PCSK7: variants seen among roughly 807,000 people sequenced by gnomAD.
PCSK7 encodes proprotein convertase subtilisin/kexin type 7, also known as lymphoma proprotein convertase.
PCSK7 carries 38 observed loss-of-function variants against 73.3 expected under a neutral mutation model. The observed-to-expected ratio is 0.52, with a 90% CI of 0.40 to 0.68. PCSK7 has a LOEUF of 0.68. Among genes scored for constraint, PCSK7 ranks in the 30% least tolerant of loss-of-function variants. The probability of loss-of-function intolerance (pLI) is 0.00; values close to 1 mark genes in which losing one functional copy is unlikely to be tolerated. For synonymous variants in PCSK7, 296 were observed against 383.8 expected, an observed-to-expected ratio of 0.77 and a Z score of 2.68; for missense variants, 692 against 991.5, an observed-to-expected ratio of 0.70 and a Z score of 4.06.
chr11:117,227,568 G>A (rs866516344), intron 4 of PCSK7, among the ~76,000 whole-genome samples: 21 of 152,232 alleles, frequency 1.4e-4, no homozygotes, highest in Middle Eastern at 3.4e-3. Flanking sequence ...TCAGCCTCCC[G>A]AGTGGCTGGG....
In PCSK7 at chr11:117,229,620, A is replaced by T; in HGVS notation, c.225T>A (p.Asp75Glu). 1 of 1,614,088 alleles carries T rather than the reference A, an allele frequency of 6.2e-7. No homozygotes were observed. The highest frequency in any genetic ancestry group is 8.5e-7 in the Non-Finnish European group (1 of 1,179,928). Residue 75 changes from aspartate (D) to glutamate (E), a missense_variant, in exon 3 of 17, where the codon GAT becomes GAA. Transcript: ENST00000320934. The part of the protein sequence containing the change: ...GEEETLEQQA[D>E]ALAQAAGLVN... ...CCAGCCCTGCTGCCTGGGCCAAGGC[A>T]TCCGCCTGCTGCTCCAGAGTCTCTT... is the stretch of plus-strand genomic sequence containing the variant.
At chr11:117,223,039 G>A (rs1402436462) in intron 9 of PCSK7, 169 bp downstream of exon 9, 11 of 603,962 alleles carry the variant, frequency 1.8e-5, no homozygotes, top group African/African-American at 9.2e-5. Flanking sequence ...CAGAGTCCCC[G>A]AGTCTACTAC....
At chr11:117,214,380 A>G (rs1384117778) in intron 12 of PCSK7, 2 of 143,494 alleles carry the variant, frequency 1.4e-5, no homozygotes, top group East Asian at 3.9e-4. Flanking sequence ...GGTCATAAAC[A>G]TAGCTGTACT....
chr11:117,228,847 C>T (rs1173766132), intron 3 of PCSK7, among the ~76,000 whole-genome samples: 1 of 152,130 alleles, frequency 6.6e-6, no homozygotes, highest in Non-Finnish European at 1.5e-5. Flanking sequence ...GTCTTGATCT[C>T]CTGACCTCGT....
intron 8 of PCSK7, chr11:117,223,539 G>C (rs2032290048): frequency 1.8e-6 from 1 of 556,222 alleles, no homozygotes; most frequent in Admixed American, 3.2e-5. Flanking sequence ...AGGCTCTGGG[G>C]TACAACTGGC....
At position 117,215,380 on chromosome 11, in the gene PCSK7, G is replaced by GTGTGTGTGTGTA. The variant is rs1164738557; in HGVS notation, c.1534+3085_1534+3086insTACACACACACA. Reference sequence around the variant, plus strand: ...CTGGCTAATTTGTGTGTGTGTGTGTGTATATATATATATATATATATATAT... The same window carrying GTGTGTGTGTGTA: ...CTGGCTAATTTGTGTGTGTGTGTGTGTGTGTGTGTGTATATATATATATATATATATATATAT... On this transcript the variant is annotated intron_variant, in intron 12 of 16. Coordinates refer to ENST00000320934, the MANE Select transcript of PCSK7 (RefSeq NM_004716.4). 9 of 55,900 alleles carry GTGTGTGTGTGTA rather than the reference G, an allele frequency of 1.6e-4. 1 individual carries two copies. Among genetic ancestry groups the GTGTGTGTGTGTA allele is most frequent in the Admixed American group, 1.2e-3 (6 of 4,870 alleles). 3.5% of individuals were successfully genotyped at this position (55,900 alleles called of 1,614,324 possible). A position where few individuals can be genotyped will look rare whatever the true frequency, so the allele number is the denominator to read the frequency against.
intron 4 of PCSK7, among the ~76,000 whole-genome samples, chr11:117,227,932 G>A (rs1415285317): frequency 6.6e-6 from 1 of 152,202 alleles, no homozygotes; most frequent in Non-Finnish European, 1.5e-5. Context: ...ACGCTTTAGA[G>A]AGAGGAAGGC....
chr11:117,224,877 C>A, intron 6 of PCSK7, 122 bp from the exon 7 acceptor site: 1 of 743,744 alleles, frequency 1.3e-6, no homozygotes, highest in Non-Finnish European at 2.4e-6. Flanking sequence ...CCAAGGGTTC[C>A]ACTTAAAGGC....
intron 3 of PCSK7, among the ~76,000 whole-genome samples, chr11:117,228,858 G>C (rs2032532284): frequency 6.6e-6 from 1 of 152,148 alleles, no homozygotes; most frequent in South Asian, 2.1e-4. Context: ...CTGACCTCGT[G>C]ATCTGCCCAT....
intron 12 of PCSK7, chr11:117,212,683 T>C (rs960240654): frequency 5.3e-5 from 8 of 151,534 alleles, no homozygotes; most frequent in African/African-American, 1.7e-4. Context: ...CGTGCTGGGA[T>C]TACAGGCATG....
At chr11:117,229,299 T>G in intron 3 of PCSK7, 78 bp downstream of exon 3, 9 of 1,067,554 alleles carry the variant, frequency 8.4e-6, no homozygotes, top group South Asian at 1.4e-5. Context: ...GACTGAAGAG[T>G]GATATAGTCA....
chr11:117,229,691 G>C lies in PCSK7; in HGVS notation c.154C>G (p.Pro52Ala), dbSNP rs1565320825. The change falls in exon 3 of 17, where the codon CCG (proline) becomes GCG (alanine). Residue 52 changes from proline (P) to alanine (A), a missense_variant. Pro to Ala is a conservative substitution (Grantham distance 27). This residue lies in a region of PCSK7 where 574 missense variants were observed against 689.8 expected (regional missense o/e 0.83). Coordinates refer to ENST00000320934, the MANE Select transcript of PCSK7 (RefSeq NM_004716.4). ...GGPDGQGTGG[P>A]SWAVHLESLE... ...CTTTCCAGGTGCACAGCCCAGCTCG[G>C]CCCCCCTGTGCCCTGGCCATCAGGC... The C allele has an allele frequency of 2.5e-6, 4 of 1,613,698 alleles. No homozygotes were observed. The highest frequency in any genetic ancestry group is 3.4e-6 in the Non-Finnish European group (4 of 1,179,688).
At chr11:117,224,448 T>C (rs759664069) in intron 7 of PCSK7, among the ~76,000 whole-genome samples, 2 of 152,096 alleles carry the variant, frequency 1.3e-5, no homozygotes, top group East Asian at 3.8e-4. Context: ...CCTCTGCTTA[T>C]CAGAGGACAG....
In PCSK7 at chr11:117,204,443, G is replaced by C; in HGVS notation, c.*1554C>G. Reference sequence around the variant, plus strand: ...CGCTTAGCCTGCCTCACCCACACCCGTGTGGTACCTTCAGCCCTGGCCAAG... The same window carrying C: ...CGCTTAGCCTGCCTCACCCACACCCCTGTGGTACCTTCAGCCCTGGCCAAG... On this transcript the variant is annotated 3_prime_UTR_variant, in exon 17 of 17. Coordinates refer to ENST00000320934, the MANE Select transcript of PCSK7 (RefSeq NM_004716.4). 6.3e-7 allele frequency: 1 copy of C among 1,592,862 alleles called. No individual in the cohort carries two copies. The highest frequency in any genetic ancestry group is 8.6e-7 in the Non-Finnish European group (1 of 1,165,092).
intron 5 of PCSK7, 120 bp from the exon 6 acceptor site, chr11:117,226,141 C>CTTTTT: frequency 1.7e-6 from 1 of 576,382 alleles, no homozygotes. Flanking sequence ...GTACATTTTG[C>CTTTTT]TTTTTTTTTT....
At position 117,219,622 on chromosome 11, in the gene PCSK7, A is replaced by G. The variant is rs1277859172; in HGVS notation, c.1292T>C (p.Val431Ala). ...QVRPCLTWRD[V>A]QHIIVFTATR... ...GGCTGTGAAGACAATGATGTGCTGGACGTCACGCCACGTGAGGCAGGGCCG... is the reference window on the plus strand; with the variant it reads ...GGCTGTGAAGACAATGATGTGCTGGGCGTCACGCCACGTGAGGCAGGGCCG... Residue 431 changes from valine (V) to alanine (A), a missense_variant, in exon 10 of 17, where the codon GTC (valine) becomes GCC (alanine). By Grantham distance (64) the Val-to-Ala change is moderately conservative. This residue lies in a region of PCSK7 where 574 missense variants were observed against 689.8 expected (regional missense o/e 0.83). Transcript: ENST00000320934. The G allele has an allele frequency of 6.2e-7, 1 of 1,612,738 alleles. No homozygotes were observed. Among genetic ancestry groups the G allele is most frequent in the Non-Finnish European group, 8.5e-7 (1 of 1,179,580 alleles).
chr11:117,230,159 A>T, intron 2 of PCSK7, 190 bp downstream of exon 2: 1 of 304,328 alleles, frequency 3.3e-6, no homozygotes, highest in Non-Finnish European at 6.1e-6. Context: ...ACTGCGAGCA[A>T]CCCCTGTTGC....
chr11:117,223,807 C>G lies in PCSK7; in HGVS notation c.1054+271G>C, dbSNP rs188461189. 7.2e-4 allele frequency: 322 copies of G among 444,640 alleles called. 1 individual carries two copies. Among genetic ancestry groups the G allele is most frequent in the African/African-American group, 4.7e-3 (240 of 50,660 alleles). 27.5% of individuals were successfully genotyped at this position (444,640 alleles called of 1,614,324 possible). On this transcript the variant is annotated intron_variant, in intron 8 of 16. Coordinates refer to ENST00000320934, the MANE Select transcript of PCSK7 (RefSeq NM_004716.4). The stretch of plus-strand genomic sequence containing the variant: ...GGCTTCCAGCAGGCAGAAGGTGGCC[C>G]ACAGAAAGACAGGCCAGAGCAGAGG...
Position 117,219,143 on chromosome 11 carries a change from A to T in PCSK7, c.1345T>A (p.Trp449Arg). 6.2e-7 allele frequency: 1 copy of T among 1,610,458 alleles called. No homozygotes were observed. The highest frequency in any genetic ancestry group is 8.5e-7 in the Non-Finnish European group (1 of 1,179,558). Residue 449 changes from tryptophan to arginine, a missense_variant, in exon 11 of 17, where the codon TGG (tryptophan) becomes AGG (arginine). Physicochemically the swap from Trp to Arg is moderately radical, Grantham distance 101. Coordinates refer to ENST00000320934, the MANE Select transcript of PCSK7 (RefSeq NM_004716.4). ...ATRYEDRRAE[W>R]VTNEAGFSHS... ...CTGAAGCCTGCCTCGTTGGTGACCC[A>T]CTCTGCACGGCGATCCTCATACTGA...
Sources: gnomAD v4.1 joint callset for allele counts (sites outside exome capture counted in the v4.1 genomes callset) on GRCh38, gnomAD v4.1.1 for gene constraint, gnomAD v4.1.1 regional missense constraint, MANE v1.5 for transcripts, NCBI Gene and HGNC (gene_info 2026-07-23, HGNC 2026-07-21) for gene names.